GALNT1: variants seen among roughly 807,000 people sequenced by gnomAD.
The protein encoded by GALNT1 is polypeptide N-acetylgalactosaminyltransferase 1.
Under a neutral mutation model 65.7 loss-of-function variants are expected in GALNT1, and 17 were observed. The ratio of observed to expected loss-of-function variants is 0.26; its 90% CI spans 0.18 to 0.39. GALNT1 has a LOEUF of 0.39. Ranked by LOEUF, GALNT1 falls within the 10% of genes least tolerant of loss-of-function variation. GALNT1 has a pLI of 1.00. For missense variants in GALNT1, 460 were observed against 672.8 expected (o/e 0.68, Z 3.50); for synonymous variants, 210 against 219.7 (o/e 0.96, Z 0.39).
intron 11 of GALNT1, among the ~76,000 whole-genome samples, chr18:35,708,865 T>C (rs755303696): frequency 9.9e-5 from 15 of 152,260 alleles, no homozygotes; most frequent in Non-Finnish European, 1.3e-4. Flanking sequence ...CTATGTACTT[T>C]ATCTTCATTA....
At chr18:35,686,894 T>C in intron 5 of GALNT1, 122 bp from the exon 6 acceptor site, 1 of 876,510 alleles carries the variant, frequency 1.1e-6, no homozygotes, top group Non-Finnish European at 1.7e-6. Context: ...GGTGACAGAG[T>C]AGTGATACCC....
At chr18:35,582,012 G>T (rs2046327990) in intron 1 of GALNT1, 150 bp downstream of exon 1, 1 of 152,036 alleles carries the variant, frequency 6.6e-6, no homozygotes. Context: ...CTCGGCGCGG[G>T]TTCGGGTCTG....
chr18:35,629,868 C>G (rs549687289), intron 1 of GALNT1, among the ~76,000 whole-genome samples: 3 of 152,126 alleles, frequency 2.0e-5, no homozygotes, highest in African/African-American at 7.2e-5. Flanking sequence ...GAAGATCCAC[C>G]AAGCAAATGG....
chr18:35,694,331 T>TA (rs1468225891), intron 9 of GALNT1, among the ~76,000 whole-genome samples: 5 of 152,142 alleles, frequency 3.3e-5, no homozygotes, highest in Non-Finnish European at 7.3e-5. Flanking sequence ...ACTGTGCTGA[T>TA]ATGAGCAACC....
intron 1 of GALNT1, among the ~76,000 whole-genome samples, chr18:35,633,948 AT>A (rs780485136): frequency 6.6e-6 from 1 of 152,162 alleles, no homozygotes; most frequent in Non-Finnish European, 1.5e-5. Flanking sequence ...CTGTCATGTG[AT>A]CTAGAAATCA....
intron 1 of GALNT1, among the ~76,000 whole-genome samples, chr18:35,651,612 TTGAC>T (rs1453141632): frequency 2.6e-5 from 4 of 152,220 alleles, no homozygotes; most frequent in Non-Finnish European, 5.9e-5. Flanking sequence ...GATTTGTTCT[TTGAC>T]TGAGCTTTGT....
At chr18:35,605,541 C>T (rs1268011867) in intron 1 of GALNT1, among the ~76,000 whole-genome samples, 1 of 150,730 alleles carries the variant, frequency 6.6e-6, no homozygotes, top group East Asian at 1.9e-4. Flanking sequence ...GTGCTTAAAA[C>T]GAGCAGTATT....
At chr18:35,597,330 C>G (rs1001646331) in intron 1 of GALNT1, 1 of 152,142 alleles carries the variant, frequency 6.6e-6, no homozygotes, top group African/African-American at 2.4e-5. Flanking sequence ...TACATTCTCA[C>G]TGGGATTATA....
At chr18:35,581,883 T>C (rs36189904) in intron 1 of GALNT1, 21 bp downstream of exon 1, 86,375 of 146,718 alleles carry the variant, frequency 0.59, 25,928 homozygotes, top group Middle Eastern at 0.71. Context: ...CGCCCGCGGC[T>C]GGGCAGTCCC....
intron 8 of GALNT1, 63 bp downstream of exon 8, chr18:35,691,255 G>A: frequency 1.4e-6 from 2 of 1,426,046 alleles, no homozygotes; most frequent in Non-Finnish European, 1.9e-6. Context: ...TCCTGGAGGA[G>A]AAGTAAGAAG....
chr18:35,609,876 T>C (rs949908026), intron 1 of GALNT1, among the ~76,000 whole-genome samples: 1 of 152,328 alleles, frequency 6.6e-6, no homozygotes, highest in Non-Finnish European at 1.5e-5. Context: ...AAAATGAAGT[T>C]AATCCCTAGG....
At chr18:35,625,437 T>C (rs1452006526) in intron 1 of GALNT1, among the ~76,000 whole-genome samples, 1 of 152,156 alleles carries the variant, frequency 6.6e-6, no homozygotes, top group Admixed American at 6.6e-5. Context: ...AAAAATAATT[T>C]AAGATGGCTA....
intron 1 of GALNT1, among the ~76,000 whole-genome samples, chr18:35,593,695 A>G (rs1173875649): frequency 1.3e-5 from 2 of 151,816 alleles, no homozygotes; most frequent in Non-Finnish European, 2.9e-5. Flanking sequence ...TTTTTAAACC[A>G]GAGAAGCTAG....
At chr18:35,665,365 TG>T (rs2047535128) in intron 3 of GALNT1, among the ~76,000 whole-genome samples, 1 of 152,094 alleles carries the variant, frequency 6.6e-6, no homozygotes, top group South Asian at 2.1e-4. Context: ...TAAAATTATA[TG>T]AACATTGAAA....
At chr18:35,606,915 G>A (rs1274390387) in intron 1 of GALNT1, among the ~76,000 whole-genome samples, 5 of 151,422 alleles carry the variant, frequency 3.3e-5, no homozygotes, top group Non-Finnish European at 5.9e-5. Context: ...CACTGTGAGA[G>A]ACATAGTCAT....
chr18:35,672,904 G>C (rs949461456), intron 3 of GALNT1, among the ~76,000 whole-genome samples: 10 of 152,110 alleles, frequency 6.6e-5, no homozygotes, highest in Non-Finnish European at 1.5e-5. Flanking sequence ...AATGTGCTCA[G>C]TTTACAAATG....
At chr18:35,690,623 C>T (rs960927854) in intron 7 of GALNT1, among the ~76,000 whole-genome samples, 3 of 152,060 alleles carry the variant, frequency 2.0e-5, no homozygotes, top group Admixed American at 1.3e-4. Flanking sequence ...CCTATGTTTT[C>T]TTTATTTTAA....
At chr18:35,703,433 C>T (rs2048200671) in intron 10 of GALNT1, 76 bp from the exon 11 acceptor site, 1 of 1,332,170 alleles carries the variant, frequency 7.5e-7, no homozygotes, top group African/African-American at 1.5e-5. Flanking sequence ...TTGTATTTTC[C>T]CTGACAGCTA....
At chr18:35,637,174 G>A (rs2047102411) in intron 1 of GALNT1, among the ~76,000 whole-genome samples, 1 of 152,120 alleles carries the variant, frequency 6.6e-6, no homozygotes, top group Non-Finnish European at 1.5e-5. Context: ...AGTATTGAAA[G>A]GATGCAAATT....
Sources: gnomAD v4.1 joint callset for allele counts (sites outside exome capture counted in the v4.1 genomes callset) on GRCh38, gnomAD v4.1.1 for gene constraint, MANE v1.5 for transcripts, NCBI Gene and HGNC (gene_info 2026-07-23, HGNC 2026-07-21) for gene names.